Variants in SHISA6 observed in about 807,000 individuals in gnomAD.
The protein encoded by SHISA6 is protein shisa-6.
In SHISA6, 22 loss-of-function variants were observed where a neutral mutation model predicts 47.9. The observed-to-expected ratio is 0.46, with a 90% confidence interval of 0.33 to 0.66. The LOEUF is 0.66. Among genes scored for constraint, SHISA6 ranks in the 30% least tolerant of loss-of-function variants. SHISA6 has a pLI of 0.02. For synonymous variants in SHISA6, 388 were observed against 337.8 expected (o/e 1.15, Z -1.63); for missense variants, 680 against 764.6 (o/e 0.89, Z 1.30).
chr17:11,304,845 G>T (rs886147498), intron 2 of SHISA6, among the ~76,000 whole-genome samples: 1 of 152,148 alleles, frequency 6.6e-6, no homozygotes, highest in African/African-American at 2.4e-5. Context: ...GTCTCACTGC[G>T]CTTGGCCACT....
chr17:11,380,787 C>T (rs923366728), intron 3 of SHISA6, among the ~76,000 whole-genome samples: 1 of 152,194 alleles, frequency 6.6e-6, no homozygotes, highest in African/African-American at 2.4e-5. Flanking sequence ...GCTGCCTCCT[C>T]TGAAGGCTTG....
intron 1 of SHISA6, among the ~76,000 whole-genome samples, chr17:11,251,640 A>G (rs191627075): frequency 6.6e-6 from 1 of 152,274 alleles, no homozygotes; most frequent in East Asian, 1.9e-4. Context: ...CCCCATGTCT[A>G]ACATCTAGCA....
At chr17:11,315,245 G>A (rs994017330) in intron 2 of SHISA6, among the ~76,000 whole-genome samples, 1 of 151,826 alleles carries the variant, frequency 6.6e-6, no homozygotes, top group African/African-American at 2.4e-5. Context: ...TTTTTCATTG[G>A]ATTTTGCCAG....
At chr17:11,499,246 G>A (rs2071431251) in intron 3 of SHISA6, among the ~76,000 whole-genome samples, 1 of 152,210 alleles carries the variant, frequency 6.6e-6, no homozygotes, top group African/African-American at 2.4e-5. Flanking sequence ...TGAGATGACG[G>A]GGTGGCAGTG....
intron 2 of SHISA6, among the ~76,000 whole-genome samples, chr17:11,273,727 G>A (rs765055483): frequency 1.3e-4 from 20 of 152,198 alleles, no homozygotes; most frequent in Non-Finnish European, 2.2e-4. Context: ...GTGATGGGCA[G>A]CCTGCCCGCA....
intron 1 of SHISA6, among the ~76,000 whole-genome samples, chr17:11,247,724 C>G (rs1336458476): frequency 6.6e-6 from 1 of 151,488 alleles, no homozygotes; most frequent in Non-Finnish European, 1.5e-5. Flanking sequence ...AAACTCCACC[C>G]CATTATTTCT....
intron 2 of SHISA6, among the ~76,000 whole-genome samples, chr17:11,378,827 G>A (rs1038103131): frequency 5.9e-5 from 9 of 152,108 alleles, no homozygotes; most frequent in Non-Finnish European, 1.2e-4. Flanking sequence ...AGCTGCTGTC[G>A]GATTTCTCTG....
At chr17:11,456,711 C>T (rs1915547300) in intron 3 of SHISA6, among the ~76,000 whole-genome samples, 1 of 152,168 alleles carries the variant, frequency 6.6e-6, no homozygotes, top group Admixed American at 6.6e-5. Flanking sequence ...TGGACCGCCC[C>T]CCTCTGCACA....
At chr17:11,442,554 C>T (rs553240699) in intron 3 of SHISA6, among the ~76,000 whole-genome samples, 10 of 152,280 alleles carry the variant, frequency 6.6e-5, no homozygotes, top group Middle Eastern at 6.8e-3. Flanking sequence ...GAAAATGGGA[C>T]TAATAATGGT....
chr17:11,376,244 A>G (rs762828533), intron 2 of SHISA6, among the ~76,000 whole-genome samples: 22 of 151,774 alleles, frequency 1.4e-4, no homozygotes, highest in African/African-American at 4.8e-4. Flanking sequence ...CATTAACTCT[A>G]TGCATCACCA....
intron 3 of SHISA6, among the ~76,000 whole-genome samples, chr17:11,486,529 A>G (rs893169873): frequency 4.6e-5 from 7 of 152,224 alleles, no homozygotes; most frequent in Admixed American, 1.3e-4. Context: ...TAAGTGAAAT[A>G]TAGGCCACAG....
intron 2 of SHISA6, among the ~76,000 whole-genome samples, chr17:11,362,284 C>T (rs892747764): frequency 4.6e-5 from 7 of 152,094 alleles, no homozygotes; most frequent in Non-Finnish European, 8.8e-5. Context: ...GGACTACAGG[C>T]ACGTATCACA....
At position 11,448,291 on chromosome 17, in the gene SHISA6, G is replaced by A. The variant is rs116449845; in HGVS notation, c.895+68782G>A. Among the ~76,000 whole-genome samples, 589 of 152,198 alleles carry A rather than the reference G, an allele frequency of 3.9e-3. 3 individuals are homozygous for A. Among genetic ancestry groups the A allele is most frequent in the African/African-American group, 0.013 (547 of 41,534 alleles). ...CAAGTCTGTAATCCCAGAACTTTTCGAGGCCAAGGCAGGAGAATCTCCTGT... is the reference window on the plus strand; with the variant it reads ...CAAGTCTGTAATCCCAGAACTTTTCAAGGCCAAGGCAGGAGAATCTCCTGT... On this transcript the variant is annotated intron_variant, in intron 3 of 5. Transcript: ENST00000441885.
rs545883307 is a variant in SHISA6, at chr17:11,457,414, A to G, written c.895+77905A>G. On this transcript the variant is annotated intron_variant, in intron 3 of 5. Coordinates refer to ENST00000441885, the MANE Select transcript of SHISA6 (RefSeq NM_207386.4). ...AGCTTTCCTTGCACAGGGAAATGCC[A>G]GTTTCTCATTAACTTCCATAAAGGT... is the stretch of plus-strand genomic sequence containing the variant. Among the ~76,000 whole-genome samples, 8 of 152,288 alleles carry G rather than the reference A, an allele frequency of 5.3e-5. No homozygotes were observed. In the South Asian group the frequency reaches 1.7e-3, roughly 32 times the overall value.
chr17:11,440,696 T>C, intron 3 of SHISA6, among the ~76,000 whole-genome samples: 1 of 151,244 alleles, frequency 6.6e-6, no homozygotes, highest in East Asian at 2.0e-4. Flanking sequence ...GGACAAGTAA[T>C]AGCTACATAA....
chr17:11,545,109 C>T (rs2071872843), intron 3 of SHISA6, among the ~76,000 whole-genome samples: 1 of 151,642 alleles, frequency 6.6e-6, no homozygotes, highest in South Asian at 2.1e-4. Flanking sequence ...CATAATATCC[C>T]CAAACTGAAA....
At chr17:11,444,183 G>T (rs1251864181) in intron 3 of SHISA6, among the ~76,000 whole-genome samples, 4 of 152,156 alleles carry the variant, frequency 2.6e-5, no homozygotes, top group African/African-American at 9.7e-5. Flanking sequence ...GCTAGGCGTG[G>T]TGGCACACGC....
intron 3 of SHISA6, among the ~76,000 whole-genome samples, chr17:11,448,046 T>C (rs1479207409): frequency 6.6e-6 from 1 of 152,132 alleles, no homozygotes. Flanking sequence ...GGACCTGGCA[T>C]GTCAGGGCAC....
chr17:11,277,719 G>A (rs1908974736), intron 2 of SHISA6, among the ~76,000 whole-genome samples: 1 of 152,118 alleles, frequency 6.6e-6, no homozygotes, highest in African/African-American at 2.4e-5. Flanking sequence ...GGGCTCTACA[G>A]TGTCCAGGCA....
Sources: allele counts gnomAD v4.1 joint callset (sites outside exome capture counted in the v4.1 genomes callset), GRCh38; gene constraint gnomAD v4.1.1; transcripts MANE v1.5; gene names NCBI Gene and HGNC (gene_info 2026-07-23, HGNC 2026-07-21).